The following WWOX variants were observed in gnomAD, a reference collection of about 807,000 sequenced individuals.
WWOX encodes the protein WW domain containing oxidoreductase, also known as WW domain-containing oxidoreductase.
In WWOX, 69 loss-of-function variants were observed where a neutral mutation model predicts 46.2. The observed-to-expected ratio is 1.49, with a 90% CI of 1.23 to 1.82. The LOEUF (loss-of-function observed/expected upper bound fraction) is 1.82, where lower values mean the gene tolerates loss of function less well. WWOX is among the 40% of genes most tolerant of loss of function. WWOX has a pLI of 0.00. For synonymous variants in WWOX, 359 were observed against 202.6 expected (o/e 1.77, Z -6.56); for missense variants, 919 against 542.6 (o/e 1.69, Z -6.89).
intron 8 of WWOX, among the ~76,000 whole-genome samples, chr16:78,445,484 G>C (rs2083538715): frequency 6.6e-6 from 1 of 152,200 alleles, no homozygotes; most frequent in African/African-American, 2.4e-5. Context: ...GAAGACAGAT[G>C]ATAGGCATGG....
chr16:78,330,398 A>ATTT (rs773610021), intron 5 of WWOX, among the ~76,000 whole-genome samples: 1 of 144,874 alleles, frequency 6.9e-6, no homozygotes, highest in Non-Finnish European at 1.5e-5. Context: ...ACCAGTGATA[A>ATTT]TTTTTTTTTT....
At chr16:79,168,742 C>T (rs1400289840) in intron 8 of WWOX, among the ~76,000 whole-genome samples, 1 of 152,100 alleles carries the variant, frequency 6.6e-6, no homozygotes, top group Non-Finnish European at 1.5e-5. Flanking sequence ...AGGGGTAAAC[C>T]AAGTCCCAGG....
intron 8 of WWOX, among the ~76,000 whole-genome samples, chr16:78,683,656 C>T (rs1338900031): frequency 6.6e-6 from 1 of 152,156 alleles, no homozygotes; most frequent in East Asian, 1.9e-4. Context: ...CCTGCCTCGG[C>T]TTCCCAAAGT....
intron 5 of WWOX, among the ~76,000 whole-genome samples, chr16:78,266,378 A>G (rs1238411134): frequency 1.3e-5 from 2 of 152,328 alleles, no homozygotes; most frequent in South Asian, 2.1e-4. Flanking sequence ...CTTTTGCACT[A>G]TGCCAGCAAA....
At chr16:78,791,504 C>G (rs1056315661) in intron 8 of WWOX, among the ~76,000 whole-genome samples, 5 of 152,134 alleles carry the variant, frequency 3.3e-5, no homozygotes, top group African/African-American at 1.2e-4. Flanking sequence ...TGGTCTTGGC[C>G]TTTCTCTTGT....
At chr16:79,007,992 A>G (rs1393728652) in intron 8 of WWOX, among the ~76,000 whole-genome samples, 1 of 152,212 alleles carries the variant, frequency 6.6e-6, no homozygotes, top group Non-Finnish European at 1.5e-5. Flanking sequence ...TTGTTATCTC[A>G]TAGCTCCATA....
chr16:78,866,033 G>C (rs2043996164), intron 8 of WWOX, among the ~76,000 whole-genome samples: 1 of 152,328 alleles, frequency 6.6e-6, no homozygotes, highest in African/African-American at 2.4e-5. Flanking sequence ...CAGCATCCGT[G>C]AGTCATAGAC....
chr16:79,015,572 C>T (rs370133633), intron 8 of WWOX, among the ~76,000 whole-genome samples: 1 of 152,084 alleles, frequency 6.6e-6, no homozygotes, highest in Non-Finnish European at 1.5e-5. Context: ...TGGTTCAACT[C>T]ATGAGGAGGG....
chr16:78,481,618 C>G (rs954813006), intron 8 of WWOX, among the ~76,000 whole-genome samples: 5 of 145,596 alleles, frequency 3.4e-5, no homozygotes, highest in Non-Finnish European at 6.0e-5. Context: ...TACACTGAGC[C>G]TAGTTGATGG....
chr16:79,006,344 G>C (rs536197252), intron 8 of WWOX, among the ~76,000 whole-genome samples: 34 of 152,146 alleles, frequency 2.2e-4, no homozygotes, highest in Non-Finnish European at 4.4e-4. Flanking sequence ...GGCCTCAGCA[G>C]GTTAGAGTGT....
intron 5 of WWOX, chr16:78,355,723 T>C (rs2081271902): frequency 5.4e-6 from 4 of 742,188 alleles, no homozygotes; most frequent in East Asian, 7.2e-5. Context: ...CTATAGAAAT[T>C]GATGAGGAAA....
At chr16:78,806,158 C>T (rs1432838694) in intron 8 of WWOX, among the ~76,000 whole-genome samples, 1 of 152,148 alleles carries the variant, frequency 6.6e-6, no homozygotes, top group East Asian at 1.9e-4. Flanking sequence ...TCACTTAATT[C>T]CCTGATATAA....
intron 8 of WWOX, among the ~76,000 whole-genome samples, chr16:79,177,808 A>T (rs910188555): frequency 2.0e-5 from 3 of 152,364 alleles, no homozygotes; most frequent in African/African-American, 7.2e-5. Flanking sequence ...GGCCTGTGTC[A>T]AAAGTACTAA....
chr16:78,720,731 G>A (rs529460238), intron 8 of WWOX, among the ~76,000 whole-genome samples: 22 of 151,968 alleles, frequency 1.4e-4, no homozygotes, highest in African/African-American at 4.8e-4. Context: ...AATTTCCACC[G>A]GTCTCTGCTT....
At chr16:78,883,481 C>T (rs1449138464) in intron 8 of WWOX, among the ~76,000 whole-genome samples, 1 of 152,008 alleles carries the variant, frequency 6.6e-6, no homozygotes, top group African/African-American at 2.4e-5. Context: ...CCCAGCATTG[C>T]GGGAGGCTGA....
intron 8 of WWOX, among the ~76,000 whole-genome samples, chr16:78,544,235 A>T (rs2043967769): frequency 6.6e-6 from 1 of 152,228 alleles, no homozygotes; most frequent in African/African-American, 2.4e-5. Flanking sequence ...ATTCTCTCTG[A>T]CTATAATTGT....
intron 8 of WWOX, among the ~76,000 whole-genome samples, chr16:78,690,166 A>G (rs1192519307): frequency 1.3e-5 from 2 of 152,128 alleles, no homozygotes; most frequent in Non-Finnish European, 2.9e-5. Context: ...CGGCCAGGAT[A>G]ACTTTTTAAC....
chr16:78,443,164 G>T (rs79338123), intron 8 of WWOX, among the ~76,000 whole-genome samples: 2,076 of 144,170 alleles, frequency 0.014, 55 homozygotes, highest in African/African-American at 0.053. Context: ...AAAAGGCTGT[G>T]TGTGGTGACT....
At chr16:78,588,548 A>G (rs1303314615) in intron 8 of WWOX, among the ~76,000 whole-genome samples, 2 of 152,126 alleles carry the variant, frequency 1.3e-5, no homozygotes, top group Non-Finnish European at 2.9e-5. Flanking sequence ...TACTATAATC[A>G]CAGAGCTTGC....
Sources: gnomAD v4.1 joint callset for allele counts (sites outside exome capture counted in the v4.1 genomes callset) on GRCh38, gnomAD v4.1.1 for gene constraint, MANE v1.5 for transcripts, NCBI Gene and HGNC (gene_info 2026-07-23, HGNC 2026-07-21) for gene names.